GPR155: variants seen among roughly 807,000 people sequenced by gnomAD.
The protein encoded by GPR155 is G protein-coupled receptor 155.
GPR155 carries 65 observed loss-of-function variants against 93.1 expected under a neutral mutation model. That is an observed-to-expected ratio of 0.70 (90% CI 0.57 to 0.86). The LOEUF (loss-of-function observed/expected upper bound fraction) is 0.86. GPR155 is among the 40% of genes least tolerant of loss of function. The pLI is 0.00. For missense variants in GPR155, 838 were observed against 1,034.8 expected (o/e 0.81, Z 2.61); for synonymous variants, 319 against 360.1 (o/e 0.89, Z 1.29).
At chr2:174,447,279 G>C (rs915415656) in intron 11 of GPR155, among the ~76,000 whole-genome samples, 2 of 149,914 alleles carry the variant, frequency 1.3e-5, no homozygotes, top group South Asian at 2.1e-4. Context: ...AGAGGTTGTG[G>C]TGAGCCAAGA....
At chr2:174,458,998 G>A (rs1574715676) in intron 10 of GPR155, among the ~76,000 whole-genome samples, 1 of 152,142 alleles carries the variant, frequency 6.6e-6, no homozygotes, top group South Asian at 2.1e-4. Flanking sequence ...TGAGACAGGC[G>A]AATTGCTTGA....
At chr2:174,451,199 A>C (rs1687306517) in intron 11 of GPR155, among the ~76,000 whole-genome samples, 1 of 151,996 alleles carries the variant, frequency 6.6e-6, no homozygotes, top group African/African-American at 2.4e-5. Flanking sequence ...CTGTAATCCC[A>C]GCTACTTGGG....
chr2:174,456,768 T>C (rs546225745), intron 10 of GPR155, among the ~76,000 whole-genome samples: 1 of 152,160 alleles, frequency 6.6e-6, no homozygotes, highest in South Asian at 2.1e-4. Flanking sequence ...ATTGATTACA[T>C]CTACAAAATG....
intron 15 of GPR155, 124 bp downstream of exon 15, chr2:174,439,774 T>C (rs1353201763): frequency 6.8e-6 from 5 of 734,020 alleles, no homozygotes. Context: ...AACTTTTACA[T>C]GCATATGTAA....
At chr2:174,480,870 A>G (rs955391612) in intron 2 of GPR155, among the ~76,000 whole-genome samples, 1 of 152,150 alleles carries the variant, frequency 6.6e-6, no homozygotes, top group Non-Finnish European at 1.5e-5. Flanking sequence ...CCTGGGCTCA[A>G]GCAATCCTCC....
In GPR155 at chr2:174,446,032, C is replaced by T. The variant is rs544072012; in HGVS notation, c.2013+579G>A. Among the ~76,000 whole-genome samples, 16 of 151,744 alleles carry T rather than the reference C, an allele frequency of 1.1e-4. No homozygotes were observed. The South Asian group carries it at 1.7e-3, about 16-fold the overall frequency. ...TTGAAATAGCTGCTTTTGGGCCTGG[C>T]GCAGTGGCTCACGCCTGTAATTCCA... On this transcript the variant is annotated intron_variant, in intron 12 of 15. Transcript: ENST00000392552.
In GPR155 at chr2:174,486,899, CGAG is replaced by C. The variant is rs1239177379; in HGVS notation, c.-61_-59del. 3 of 152,512 alleles carry C rather than the reference CGAG, an allele frequency of 2.0e-5. No individual in the cohort carries two copies. Among genetic ancestry groups the C allele is most frequent in the Non-Finnish European group, 2.9e-5 (2 of 68,292 alleles). The allele number at this position is 152,512 out of a possible 1,614,324, so 9.4% of individuals were successfully genotyped here. On this transcript the variant is annotated 5_prime_UTR_variant, in exon 1 of 16. Coordinates refer to ENST00000392552, the MANE Select transcript of GPR155 (RefSeq NM_152529.7). ...TGCTTCGTCTGCAACCTTGGAGTGG[CGAG>C]GAGAAGGGAGCTGGTGCTCGCAGGG...
intron 14 of GPR155, among the ~76,000 whole-genome samples, chr2:174,441,748 TGTGC>T (rs1208530451): frequency 4.8e-5 from 7 of 146,072 alleles, no homozygotes; most frequent in Non-Finnish European, 9.2e-5. Context: ...TGTGTGTGTG[TGTGC>T]GTGTGTGTGT....
intron 10 of GPR155, among the ~76,000 whole-genome samples, chr2:174,456,046 T>C (rs950386064): frequency 6.6e-6 from 1 of 152,066 alleles, no homozygotes; most frequent in Non-Finnish European, 1.5e-5. Context: ...TTCACCATGT[T>C]GGCCAGGCTG....
At chr2:174,443,916 A>C (rs545606931) in intron 13 of GPR155, among the ~76,000 whole-genome samples, 1 of 152,194 alleles carries the variant, frequency 6.6e-6, no homozygotes, top group Non-Finnish European at 1.5e-5. Flanking sequence ...GGGGGTGATA[A>C]TACTACTTTG....
chr2:174,480,401 G>GTGAA (rs763028366), intron 2 of GPR155, among the ~76,000 whole-genome samples: 6 of 152,222 alleles, frequency 3.9e-5, no homozygotes, highest in African/African-American at 9.6e-5. Flanking sequence ...TTATGAGTGA[G>GTGAA]TGAATGAATG....
At chr2:174,460,442 G>A (rs1687656534) in intron 9 of GPR155, among the ~76,000 whole-genome samples, 2 of 151,914 alleles carry the variant, frequency 1.3e-5, no homozygotes, top group African/African-American at 4.8e-5. Flanking sequence ...GATTACAGGT[G>A]TAAGCCACCG....
rs538039713 is a variant in GPR155, at chr2:174,473,816, G to C, written c.461-452C>G. ...ACAGAGGGTTGAGGAGAGAGTAGGA[G>C]TTATTTCAGGAACTAAAAAGGAGCA... On this transcript the variant is annotated intron_variant, in intron 2 of 15. Coordinates refer to ENST00000392552, the MANE Select transcript of GPR155 (RefSeq NM_152529.7). 2.0e-5 allele frequency among the ~76,000 whole-genome samples: 3 copies of C among 152,308 alleles called. No individual in the cohort carries two copies. The South Asian group carries it at 6.2e-4, about 32-fold the overall frequency.
rs11385015 is a variant in GPR155, at chr2:174,460,154, A to ATTTTT, written c.1561-71_1561-67dup. Reference sequence around the variant, plus strand: ...CTTCATCTTGATAATCTTAGGGCACATTTTTTTTTTTTTTTTTTTTTTTTG... The same window carrying ATTTTT: ...CTTCATCTTGATAATCTTAGGGCACATTTTTTTTTTTTTTTTTTTTTTTTTTTTTG... On this transcript the variant is annotated intron_variant, in intron 9 of 15. Transcript: ENST00000392552. The ATTTTT allele has an allele frequency of 6.0e-4, 241 of 399,992 alleles. 9 individuals carry two copies. In the African/African-American group the frequency reaches 7.2e-3, roughly 12 times the overall value. 24.8% of individuals were successfully genotyped at this position (399,992 alleles called of 1,614,324 possible). A position where few individuals can be genotyped will look rare whatever the true frequency, so the allele number is the denominator to read the frequency against.
At chr2:174,451,940 C>T (rs933208054) in intron 11 of GPR155, among the ~76,000 whole-genome samples, 8 of 152,064 alleles carry the variant, frequency 5.3e-5, no homozygotes, top group Non-Finnish European at 1.0e-4. Context: ...TGAGCCACCA[C>T]GCTCAGGCGA....
At chr2:174,469,357 A>T (rs536030976) in intron 4 of GPR155, among the ~76,000 whole-genome samples, 4 of 152,358 alleles carry the variant, frequency 2.6e-5, no homozygotes, top group Admixed American at 2.6e-4. Flanking sequence ...AGTTCTAGAA[A>T]ATAAACTGTA....
At position 174,461,549 on chromosome 2, in the gene GPR155, T is replaced by C. The variant is rs370674070; in HGVS notation, c.1469+39A>G. ...AGAAAGGATGAATAGTAACTGTCTA[T>C]ATGGAAAGGTGTAAGCAAACAGAGA... On this transcript the variant is annotated intron_variant, in intron 8 of 15. Transcript: ENST00000392552. 11 of 1,550,534 alleles carry C rather than the reference T, an allele frequency of 7.1e-6. No individual in the cohort carries two copies. In the African/African-American group the frequency reaches 1.4e-4, roughly 19 times the overall value.
At chr2:174,471,016 G>GAAA in intron 3 of GPR155, among the ~76,000 whole-genome samples, 1 of 100,762 alleles carries the variant, frequency 9.9e-6, no homozygotes, top group Admixed American at 1.1e-4. Flanking sequence ...CTCCTGTTTT[G>GAAA]AAAAAAAAAA....
intron 13 of GPR155, among the ~76,000 whole-genome samples, chr2:174,444,150 C>T (rs1281256545): frequency 2.6e-5 from 4 of 152,088 alleles, no homozygotes; most frequent in African/African-American, 4.8e-5. Context: ...GGTGTGGTGG[C>T]TCATGCCTGT....
Sources: allele counts gnomAD v4.1 joint callset (sites outside exome capture counted in the v4.1 genomes callset), GRCh38; gene constraint gnomAD v4.1.1; transcripts MANE v1.5; gene names NCBI Gene and HGNC (gene_info 2026-07-23, HGNC 2026-07-21).